Variants in ADGRD1 observed in about 807,000 individuals in gnomAD.
ADGRD1 encodes G-protein coupled receptor 133.
Under a neutral mutation model 113.4 loss-of-function variants are expected in ADGRD1, and 77 were observed. The observed-to-expected ratio is 0.68, with a 90% CI of 0.57 to 0.82. The LOEUF (loss-of-function observed/expected upper bound fraction) is 0.82. Ranked by LOEUF, ADGRD1 falls within the 40% of genes least tolerant of loss-of-function variation. The probability of loss-of-function intolerance (pLI) is 0.00; values close to 1 mark genes in which losing one functional copy is unlikely to be tolerated. For missense variants in ADGRD1, 1,036 were observed against 1,139.1 expected (o/e 0.91, Z 1.30); for synonymous variants, 474 against 475.0 (o/e 1.00, Z 0.03).
At chr12:131,081,713 A>C (rs1015728147) in intron 14 of ADGRD1, among the ~76,000 whole-genome samples, 1 of 152,216 alleles carries the variant, frequency 6.6e-6, no homozygotes. Flanking sequence ...AGACAATAAT[A>C]ATTGCCTGTT....
In ADGRD1 at chr12:131,084,723, G is replaced by A. The variant is rs1002003540; in HGVS notation, c.1671+60G>A. ...GGGACGTACCATGAGGCTGCAGGTG[G>A]GGGCGGGAGGATGCTTTGCCCGCCA... On this transcript the variant is annotated intron_variant, in intron 15 of 24. Transcript: ENST00000261654. The surrounding 1 kb of genome is among the most constrained non-coding windows in gnomAD (Gnocchi z 4.5). 2 of 1,584,688 alleles carry A rather than the reference G, an allele frequency of 1.3e-6. No homozygotes were observed.
chr12:131,014,089 G>C, intron 12 of ADGRD1, 110 bp from the exon 13 acceptor site: 1 of 1,080,670 alleles, frequency 9.3e-7, no homozygotes, highest in Non-Finnish European at 1.3e-6. Context: ...ATCCAAAGAA[G>C]ATTTCCGTCT....
intron 14 of ADGRD1, among the ~76,000 whole-genome samples, chr12:131,083,927 G>A (rs1886258638): frequency 6.6e-6 from 1 of 152,220 alleles, no homozygotes. Context: ...GCCGGTCATA[G>A]CTGTGTTCGT....
chr12:131,003,409 C>T lies in ADGRD1; in HGVS notation c.1144+107C>T. 1 of 827,462 alleles carries T rather than the reference C, an allele frequency of 1.2e-6. No individual in the cohort carries two copies. Among genetic ancestry groups the T allele is most frequent in the Non-Finnish European group, 2.0e-6 (1 of 490,444 alleles). The allele number at this position is 827,462 out of a possible 1,614,324, so 51.3% of individuals were successfully genotyped here. A position where few individuals can be genotyped will look rare whatever the true frequency, so the allele number is the denominator to read the frequency against. On this transcript the variant is annotated intron_variant, in intron 10 of 24. Coordinates refer to ENST00000261654, the MANE Select transcript of ADGRD1 (RefSeq NM_198827.5). The surrounding 1 kb of genome is among the most constrained non-coding windows in gnomAD (Gnocchi z 4.8). Reference sequence around the variant, plus strand: ...TTAGCAGAGAGCCATGCTCTGTCTCCCTGACTGCTCTGCCTGGCACAAACC... The same window carrying T: ...TTAGCAGAGAGCCATGCTCTGTCTCTCTGACTGCTCTGCCTGGCACAAACC...
rs768805668 is a variant in ADGRD1, at chr12:131,003,332, T to A, written c.1144+30T>A. On this transcript the variant is annotated intron_variant, in intron 10 of 24. Transcript: ENST00000261654. This position sits in a 1 kb window ranked among gnomAD's most constrained non-coding sequence, Gnocchi z 4.8. Reference sequence around the variant, plus strand: ...CTGTCGCTTGTAAGGGTGAGCCACATGGCAGGGGCGGGGGCTGGAGGCTGC... The same window carrying A: ...CTGTCGCTTGTAAGGGTGAGCCACAAGGCAGGGGCGGGGGCTGGAGGCTGC... 1 of 1,479,182 alleles carries A rather than the reference T, an allele frequency of 6.8e-7. No homozygotes were observed. Among genetic ancestry groups the A allele is most frequent in the Non-Finnish European group, 9.4e-7 (1 of 1,059,086 alleles). 91.6% of individuals were successfully genotyped at this position (1,479,182 alleles called of 1,614,324 possible).
At chr12:131,012,868 G>A (rs946192324) in intron 12 of ADGRD1, among the ~76,000 whole-genome samples, 2 of 152,200 alleles carry the variant, frequency 1.3e-5, no homozygotes, top group Non-Finnish European at 2.9e-5. Context: ...CCCGGGTGAG[G>A]CCCACACAGA....
At chr12:130,970,155 T>G (rs919262398) in intron 3 of ADGRD1, 1 of 152,140 alleles carries the variant, frequency 6.6e-6, no homozygotes, top group Non-Finnish European at 1.5e-5. Flanking sequence ...TGGCTCAACA[T>G]GAAGCTCAAA....
intron 3 of ADGRD1, chr12:130,970,801 A>C (rs1871529968): frequency 6.6e-6 from 1 of 152,334 alleles, no homozygotes; most frequent in Non-Finnish European, 1.5e-5. Flanking sequence ...ATTTGCGGCC[A>C]GCTGGGCTTG....
Position 130,954,881 on chromosome 12 carries a change from G to A in ADGRD1, c.103+221G>A, listed in dbSNP as rs987891394. Among the ~76,000 whole-genome samples, 8 of 150,652 alleles carry A rather than the reference G, an allele frequency of 5.3e-5. No individual in the cohort carries two copies. In the East Asian group the frequency reaches 9.9e-4, roughly 19 times the overall value. On this transcript the variant is annotated intron_variant, in intron 2 of 24. Transcript: ENST00000261654. This position sits in a 1 kb window ranked among gnomAD's most constrained non-coding sequence, Gnocchi z 4.7. ...GGAGAAGTGGTTCTGGGCCCCTTGA[G>A]CTGGGTCATATGAAACATTGTGATT...
In ADGRD1 at chr12:131,105,748, C is replaced by T. The variant is rs1419896071; in HGVS notation, c.1776-6C>T. The T allele has an allele frequency of 1.9e-6, 3 of 1,598,874 alleles. No individual in the cohort carries two copies. Among genetic ancestry groups the T allele is most frequent in the African/African-American group, 1.3e-5 (1 of 75,008 alleles). On this transcript the variant is annotated splice_polypyrimidine_tract_variant and splice_region_variant and intron_variant, in intron 16 of 24. Transcript: ENST00000261654. ...CCCAGGCCTCACACCCTGCCTCTGT[C>T]CTCAGCTCCGTGAGCACCATCCGGA... is the stretch of plus-strand genomic sequence containing the variant.
intron 12 of ADGRD1, among the ~76,000 whole-genome samples, chr12:131,012,053 C>T (rs778194345): frequency 9.6e-4 from 146 of 152,130 alleles, no homozygotes; most frequent in Non-Finnish European, 2.9e-4. Flanking sequence ...TGTTCTCAGA[C>T]GGTGAATGTT....
At chr12:130,955,731 T>C (rs1869485656) in intron 2 of ADGRD1, among the ~76,000 whole-genome samples, 1 of 152,232 alleles carries the variant, frequency 6.6e-6, no homozygotes, top group Non-Finnish European at 1.5e-5. Flanking sequence ...CCGAGCGCTA[T>C]TGTATGGCCC....
intron 21 of ADGRD1, among the ~76,000 whole-genome samples, chr12:131,134,398 T>TC (rs1306011459): frequency 2.0e-5 from 3 of 152,194 alleles, no homozygotes; most frequent in African/African-American, 4.8e-5. Flanking sequence ...CTCAGCGTCT[T>TC]CCCCCAAGAT....
At chr12:130,994,522 C>T (rs1874958633) in intron 8 of ADGRD1, among the ~76,000 whole-genome samples, 1 of 152,234 alleles carries the variant, frequency 6.6e-6, no homozygotes, top group Non-Finnish European at 1.5e-5. Context: ...TCCCGTCTGA[C>T]TAGCCATGGG....
intron 13 of ADGRD1, among the ~76,000 whole-genome samples, chr12:131,019,348 G>A (rs977460274): frequency 1.3e-5 from 2 of 152,198 alleles, no homozygotes; most frequent in Non-Finnish European, 2.9e-5. Context: ...GTTCCACTGA[G>A]GCTCTGGACA....
At chr12:131,118,074 T>C (rs1410215289) in intron 18 of ADGRD1, among the ~76,000 whole-genome samples, 1 of 152,242 alleles carries the variant, frequency 6.6e-6, no homozygotes, top group East Asian at 1.9e-4. Flanking sequence ...AAGCTGAGCT[T>C]ACCTTCCTGC....
intron 20 of ADGRD1, among the ~76,000 whole-genome samples, chr12:131,123,041 T>TG: frequency 7.8e-5 from 2 of 25,568 alleles, no homozygotes; most frequent in Non-Finnish European, 1.5e-4. Context: ...CCTGGGGAGT[T>TG]TTTTTTTTTT....
intron 8 of ADGRD1, among the ~76,000 whole-genome samples, chr12:130,996,254 C>T (rs548419718): frequency 9.7e-5 from 14 of 144,836 alleles, no homozygotes; most frequent in African/African-American, 2.9e-4. Flanking sequence ...CACAAAGCCG[C>T]GATTGTCATC....
intron 13 of ADGRD1, among the ~76,000 whole-genome samples, chr12:131,021,101 CAAG>C (rs1879259509): frequency 6.6e-6 from 1 of 152,018 alleles, no homozygotes; most frequent in African/African-American, 2.4e-5. Flanking sequence ...AAAAAAATGT[CAAG>C]AATAGTACAG....
Sources: gnomAD v4.1 joint callset for allele counts (sites outside exome capture counted in the v4.1 genomes callset) on GRCh38, gnomAD v4.1.1 for gene constraint, Gnocchi (gnomAD v3.1) non-coding constraint, MANE v1.5 for transcripts, NCBI Gene and HGNC (gene_info 2026-07-23, HGNC 2026-07-21) for gene names.